Variants in STAM observed in about 807,000 individuals in gnomAD.
STAM encodes signal transducing adapter molecule 1.
A neutral mutation model predicts 63.4 loss-of-function variants in STAM; 16 were observed. That is an observed-to-expected ratio of 0.25 (90% CI 0.17 to 0.38). The LOEUF is 0.38. Among genes scored for constraint, STAM ranks in the 10% least tolerant of loss-of-function variants. The probability of loss-of-function intolerance (pLI) is 1.00; values close to 1 mark genes in which losing one functional copy is unlikely to be tolerated. For synonymous variants in STAM, 238 were observed against 223.9 expected (o/e 1.06, Z -0.56); for missense variants, 636 against 657.1 (o/e 0.97, Z 0.35).
chr10:17,712,938 C>T (rs1300425772), intron 13 of STAM, among the ~76,000 whole-genome samples: 1 of 152,000 alleles, frequency 6.6e-6, no homozygotes, highest in African/African-American at 2.4e-5. Context: ...GGTGTTGGAG[C>T]GTGTGCTTCC....
At position 17,714,707 on chromosome 10, in the gene STAM, C is replaced by T; in HGVS notation, c.1550C>T (p.Thr517Ile). 4.3e-6 allele frequency: 7 copies of T among 1,614,166 alleles called. No homozygotes were observed. The highest frequency in any genetic ancestry group is 5.9e-6 in the Non-Finnish European group (7 of 1,180,028). ...QVPNYNLTSS[T>I]LPQPGGSQQP... The stretch of plus-strand genomic sequence containing the variant: ...CCAAACTATAACTTAACATCATCAA[C>T]TCTGCCTCAGCCCGGAGGCAGCCAA... Residue 517 changes from threonine to isoleucine, a missense_variant, in exon 14 of 14, where the codon ACT (threonine) becomes ATT (isoleucine). Physicochemically the swap from Thr to Ile is moderately conservative, Grantham distance 89. Around this residue, in one of 3 missense-constraint regions of STAM, gnomAD observed 532 missense variants for 536.9 expected, o/e 0.99. Coordinates refer to ENST00000377524, the MANE Select transcript of STAM (RefSeq NM_003473.4).
chr10:17,669,230 A>G (rs1834526088), intron 2 of STAM, among the ~76,000 whole-genome samples: 1 of 151,792 alleles, frequency 6.6e-6, no homozygotes, highest in Non-Finnish European at 1.5e-5. Context: ...TATATATTAT[A>G]TTTGCATATG....
Position 17,714,909 on chromosome 10 carries a change from T to G in STAM, c.*129T>G. The G allele has an allele frequency of 1.1e-6, 1 of 905,782 alleles. No homozygotes were observed. Among genetic ancestry groups the G allele is most frequent in the Non-Finnish European group, 1.7e-6 (1 of 577,622 alleles). 56.1% of individuals were successfully genotyped at this position (905,782 alleles called of 1,614,324 possible). On this transcript the variant is annotated 3_prime_UTR_variant, in exon 14 of 14. Coordinates refer to ENST00000377524, the MANE Select transcript of STAM (RefSeq NM_003473.4). ...CTCTCCAGGTCAACAGGTTCAAATA[T>G]TCAAGAAGGTAGAACTCTCCTCAAT...
Position 17,689,048 on chromosome 10 carries a change from A to G in STAM, c.444+875A>G, listed in dbSNP as rs1301693258. ...ATAAGTCTTCCTTTCCCCAGTGGATATGGCTAAATAGCTTAACTTTGCTCT... is the reference window on the plus strand; with the variant it reads ...ATAAGTCTTCCTTTCCCCAGTGGATGTGGCTAAATAGCTTAACTTTGCTCT... On this transcript the variant is annotated intron_variant, in intron 5 of 13. Coordinates refer to ENST00000377524, the MANE Select transcript of STAM (RefSeq NM_003473.4). Among the ~76,000 whole-genome samples, 3 of 152,220 alleles carry G rather than the reference A, an allele frequency of 2.0e-5. No individual in the cohort carries two copies. In the South Asian group the frequency reaches 6.2e-4, roughly 31 times the overall value.
intron 2 of STAM, among the ~76,000 whole-genome samples, chr10:17,665,112 A>G (rs1834323228): frequency 1.3e-5 from 2 of 151,768 alleles, no homozygotes; most frequent in African/African-American, 4.8e-5. Flanking sequence ...ATTATTGTGA[A>G]GTTTCATTTA....
intron 12 of STAM, among the ~76,000 whole-genome samples, chr10:17,707,293 C>T (rs562228483): frequency 2.5e-4 from 38 of 152,100 alleles, no homozygotes; most frequent in African/African-American, 8.7e-4. Context: ...GCCTATAGTC[C>T]CAGCTACTTG....
chr10:17,653,273 A>C (rs1833810331), intron 1 of STAM, among the ~76,000 whole-genome samples: 1 of 152,154 alleles, frequency 6.6e-6, no homozygotes, highest in African/African-American at 2.4e-5. Flanking sequence ...ACACTGAAAA[A>C]CCGAATATTC....
chr10:17,699,599 A>G (rs1175787752), intron 8 of STAM, among the ~76,000 whole-genome samples: 2 of 152,220 alleles, frequency 1.3e-5, no homozygotes, highest in East Asian at 1.9e-4. Context: ...ATATAACTAG[A>G]AAATACAGGC....
chr10:17,652,033 G>T (rs1023021533), intron 1 of STAM, among the ~76,000 whole-genome samples: 4 of 152,178 alleles, frequency 2.6e-5, no homozygotes, highest in South Asian at 2.1e-4. Flanking sequence ...CTGCTGGGCA[G>T]ATTTCTCAAT....
At chr10:17,679,636 C>T (rs1835000427) in intron 2 of STAM, among the ~76,000 whole-genome samples, 1 of 151,578 alleles carries the variant, frequency 6.6e-6, no homozygotes, top group South Asian at 2.1e-4. Flanking sequence ...GTAGAATTCA[C>T]CAGTGAAGCT....
At chr10:17,708,477 AT>A (rs1836399018) in intron 12 of STAM, among the ~76,000 whole-genome samples, 1 of 152,228 alleles carries the variant, frequency 6.6e-6, no homozygotes, top group African/African-American at 2.4e-5. Context: ...AACATGCAGA[AT>A]ATTAAAATAT....
intron 2 of STAM, among the ~76,000 whole-genome samples, chr10:17,679,654 T>G (rs1045111096): frequency 6.6e-6 from 1 of 152,072 alleles, no homozygotes; most frequent in African/African-American, 2.4e-5. Flanking sequence ...GCTTTCTGTT[T>G]CTGAGATTTT....
At chr10:17,645,877 C>G (rs946422694) in intron 1 of STAM, among the ~76,000 whole-genome samples, 1 of 152,162 alleles carries the variant, frequency 6.6e-6, no homozygotes, top group Admixed American at 6.5e-5. Flanking sequence ...TTAATACTTG[C>G]TTCTTCTGTT....
intron 9 of STAM, among the ~76,000 whole-genome samples, chr10:17,702,914 A>G (rs1030008209): frequency 2.0e-5 from 3 of 149,540 alleles, no homozygotes; most frequent in African/African-American, 7.3e-5. Flanking sequence ...AGGCTGAGGC[A>G]GGAGAATCGC....
In STAM at chr10:17,714,967, C is replaced by G. The variant is rs531527628; in HGVS notation, c.*187C>G. ...GACTTTTTAGAGGTTCTTCCCCCCC[C>G]GCCCCTGCAGAGGAATGAAACTACT... On this transcript the variant is annotated 3_prime_UTR_variant, in exon 14 of 14. Transcript: ENST00000377524. 8.7e-5 allele frequency: 52 copies of G among 596,310 alleles called. No individual in the cohort carries two copies. The highest frequency in any genetic ancestry group is 1.3e-4 in the African/African-American group (7 of 53,126). The allele number at this position is 596,310 out of a possible 1,614,324, so 36.9% of individuals were successfully genotyped here.
rs1297982875 is a variant in STAM, at chr10:17,716,561, G to T, written c.*1781G>T. Among the ~76,000 whole-genome samples the T allele has an allele frequency of 6.6e-6, 1 of 152,024 alleles. No homozygotes were observed. Among genetic ancestry groups the T allele is most frequent in the Non-Finnish European group, 1.5e-5 (1 of 67,984 alleles). ...TTTTCCACTCCAATTTGAGTATTAT[G>T]GTTTAACTGATATACTTTTCTGCAA... On this transcript the variant is annotated 3_prime_UTR_variant, in exon 14 of 14. Transcript: ENST00000377524.
intron 2 of STAM, among the ~76,000 whole-genome samples, chr10:17,670,516 C>A (rs1554823952): frequency 6.6e-6 from 1 of 152,124 alleles, no homozygotes; most frequent in Non-Finnish European, 1.5e-5. Flanking sequence ...ACCAATCTTA[C>A]ATTAAAGTTT....
chr10:17,679,779 C>T (rs1163155023), intron 2 of STAM, among the ~76,000 whole-genome samples: 3 of 150,822 alleles, frequency 2.0e-5, no homozygotes, highest in Admixed American at 1.3e-4. Context: ...TTTTTTCTTT[C>T]AACAGCTAAG....
intron 2 of STAM, among the ~76,000 whole-genome samples, chr10:17,668,953 TAAGTTC>T (rs1390001862): frequency 6.6e-6 from 1 of 152,238 alleles, no homozygotes; most frequent in Non-Finnish European, 1.5e-5. Flanking sequence ...GACATCGTTT[TAAGTTC>T]AGTTGGGTAA....
Sources: allele counts gnomAD v4.1 joint callset (sites outside exome capture counted in the v4.1 genomes callset), GRCh38; gene constraint gnomAD v4.1.1; regional missense constraint gnomAD v4.1.1; transcripts MANE v1.5; gene names NCBI Gene and HGNC (gene_info 2026-07-23, HGNC 2026-07-21).